NR6A1: variants seen among roughly 807,000 people sequenced by gnomAD.
NR6A1 encodes the protein nuclear receptor subfamily 6 group A member 1.
In NR6A1, 7 loss-of-function variants were observed where a neutral mutation model predicts 59.1. The observed-to-expected ratio is 0.12, with a 90% confidence interval of 0.07 to 0.22. The LOEUF (loss-of-function observed/expected upper bound fraction) is 0.22, where lower values mean the gene tolerates loss of function less well. NR6A1 is among the 10% of genes least tolerant of loss of function. NR6A1 has a pLI of 1.00. For missense variants in NR6A1, 468 were observed against 611.6 expected (o/e 0.77, Z 2.48); for synonymous variants, 243 against 236.1 (o/e 1.03, Z -0.27).
intron 2 of NR6A1, among the ~76,000 whole-genome samples, chr9:124,575,104 CATCA>C (rs1834551074): frequency 6.6e-6 from 1 of 152,168 alleles, no homozygotes; most frequent in Admixed American, 6.5e-5. Flanking sequence ...AGCTCTGGGA[CATCA>C]AAAGAAGCCT....
At chr9:124,668,483 T>A (rs911189745) in intron 2 of NR6A1, among the ~76,000 whole-genome samples, 4 of 152,176 alleles carry the variant, frequency 2.6e-5, no homozygotes, top group African/African-American at 9.7e-5. Flanking sequence ...ACTATACAAA[T>A]GACACTGATA....
chr9:124,593,852 T>A (rs1835198705), intron 2 of NR6A1, among the ~76,000 whole-genome samples: 1 of 151,942 alleles, frequency 6.6e-6, no homozygotes, highest in African/African-American at 2.4e-5. Flanking sequence ...TTCCCCCACC[T>A]TTCTCCAAAT....
At chr9:124,734,258 T>G (rs1839959967) in intron 1 of NR6A1, among the ~76,000 whole-genome samples, 1 of 152,234 alleles carries the variant, frequency 6.6e-6, no homozygotes, top group African/African-American at 2.4e-5. Context: ...GTTCAGCGTC[T>G]GACCACAATG....
rs968183098 is a variant in NR6A1, at chr9:124,535,123, C to CA, written c.1079+754dup. On this transcript the variant is annotated intron_variant, in intron 7 of 9. Coordinates refer to ENST00000487099, the MANE Select transcript of NR6A1 (RefSeq NM_033334.4). ...TGGGTGACAGAGCCAGACACCGTCT[C>CA]AAAAAAAAAAATCTAGCCTAATGCC... 4.0e-4 allele frequency among the ~76,000 whole-genome samples: 58 copies of CA among 146,626 alleles called. No individual in the cohort carries two copies. In the East Asian group the frequency reaches 6.3e-3, roughly 16 times the overall value.
chr9:124,708,087 C>T (rs1839185175), intron 2 of NR6A1, among the ~76,000 whole-genome samples: 1 of 152,206 alleles, frequency 6.6e-6, no homozygotes, highest in Non-Finnish European at 1.5e-5. Context: ...AACTGTCTCA[C>T]CTACCAGACC....
intron 2 of NR6A1, chr9:124,607,324 G>A (rs1174119330): frequency 6.6e-6 from 1 of 152,230 alleles, no homozygotes; most frequent in Non-Finnish European, 1.5e-5. Context: ...GGACCACCAG[G>A]TTGCCTAAGG....
intron 2 of NR6A1, among the ~76,000 whole-genome samples, chr9:124,638,280 T>G (rs1008518337): frequency 6.6e-6 from 1 of 151,108 alleles, no homozygotes; most frequent in Admixed American, 6.6e-5. Context: ...AAAAAAAAAG[T>G]TCAAGGACCC....
Position 124,636,429 on chromosome 9 carries a change from T to C in NR6A1, c.143-81859A>G, listed in dbSNP as rs929488067. On this transcript the variant is annotated intron_variant, in intron 2 of 9. Transcript: ENST00000487099. ...GTTTTAATTTTGATGAAGTCCAGCTTATTAATTCATTGTTTCACAGATTGT... is the reference window on the plus strand; with the variant it reads ...GTTTTAATTTTGATGAAGTCCAGCTCATTAATTCATTGTTTCACAGATTGT... Among the ~76,000 whole-genome samples the C allele has an allele frequency of 8.5e-5, 13 of 152,342 alleles. No individual in the cohort carries two copies. The East Asian group carries it at 2.1e-3, about 25-fold the overall frequency.
At chr9:124,714,435 A>G (rs2131078964) in intron 2 of NR6A1, among the ~76,000 whole-genome samples, 1 of 152,334 alleles carries the variant, frequency 6.6e-6, no homozygotes, top group East Asian at 1.9e-4. Context: ...AGAAAGCCCA[A>G]TAGAGGTGTC....
chr9:124,679,624 C>A (rs1241524580), intron 2 of NR6A1, among the ~76,000 whole-genome samples: 1 of 152,050 alleles, frequency 6.6e-6, no homozygotes, highest in Non-Finnish European at 1.5e-5. Context: ...GGCACAGTGG[C>A]TGATGCCTGT....
chr9:124,723,899 A>C (rs1298635000), intron 2 of NR6A1, among the ~76,000 whole-genome samples: 1 of 152,216 alleles, frequency 6.6e-6, no homozygotes, highest in African/African-American at 2.4e-5. Context: ...CTATGTTCTT[A>C]ATTATAAGAG....
At chr9:124,643,373 G>A (rs1446699815) in intron 2 of NR6A1, among the ~76,000 whole-genome samples, 1 of 151,994 alleles carries the variant, frequency 6.6e-6, no homozygotes. Flanking sequence ...GGCTGAGGCG[G>A]GTGGATCACT....
intron 2 of NR6A1, among the ~76,000 whole-genome samples, chr9:124,631,739 T>C (rs894416698): frequency 3.3e-5 from 5 of 152,200 alleles, no homozygotes; most frequent in Admixed American, 2.0e-4. Flanking sequence ...TCATGGAAGT[T>C]TGTTGTACAG....
intron 2 of NR6A1, among the ~76,000 whole-genome samples, chr9:124,577,265 G>A (rs900325624): frequency 5.9e-5 from 9 of 152,156 alleles, no homozygotes; most frequent in African/African-American, 9.7e-5. Context: ...GAAAGTGTAT[G>A]CACACTTTTT....
intron 1 of NR6A1, among the ~76,000 whole-genome samples, chr9:124,765,345 T>C (rs1000233916): frequency 2.6e-5 from 4 of 152,158 alleles, no homozygotes; most frequent in Admixed American, 6.5e-5. Flanking sequence ...ATCGTGACTG[T>C]CAATATTAAA....
At chr9:124,537,070 ATTTT>A (rs111541971) in intron 6 of NR6A1, among the ~76,000 whole-genome samples, 1 of 136,604 alleles carries the variant, frequency 7.3e-6, no homozygotes. Context: ...CCACATCTAA[ATTTT>A]TTTTTTTTTT....
intron 2 of NR6A1, among the ~76,000 whole-genome samples, chr9:124,638,654 G>GT (rs1836687580): frequency 6.6e-6 from 1 of 152,112 alleles, no homozygotes; most frequent in Non-Finnish European, 1.5e-5. Context: ...TGAGCCTCAG[G>GT]TTTCTTACAT....
At chr9:124,750,396 T>C (rs1840461017) in intron 1 of NR6A1, among the ~76,000 whole-genome samples, 1 of 152,198 alleles carries the variant, frequency 6.6e-6, no homozygotes, top group South Asian at 2.1e-4. Flanking sequence ...CAACAGCATC[T>C]TTCTCCAACA....
intron 5 of NR6A1, among the ~76,000 whole-genome samples, chr9:124,539,447 C>T (rs561320867): frequency 2.2e-4 from 33 of 152,266 alleles, no homozygotes; most frequent in East Asian, 3.9e-4. Flanking sequence ...CTGGCCTTTG[C>T]AGAAAAAGTT....
Sources: gnomAD v4.1 joint callset for allele counts (sites outside exome capture counted in the v4.1 genomes callset) on GRCh38, gnomAD v4.1.1 for gene constraint, MANE v1.5 for transcripts, NCBI Gene and HGNC (gene_info 2026-07-23, HGNC 2026-07-21) for gene names.